The following COLEC12 variants were observed in gnomAD, a reference collection of about 807,000 sequenced individuals.
The protein encoded by COLEC12 is collectin-12.
A neutral mutation model predicts 71.1 loss-of-function variants in COLEC12; 33 were observed. That is an observed-to-expected ratio of 0.46 (90% CI 0.35 to 0.62). COLEC12 has a LOEUF of 0.62. Among genes scored for constraint, COLEC12 ranks in the 20% least tolerant of loss-of-function variants. The probability of loss-of-function intolerance (pLI) is 0.00; values close to 1 mark genes in which losing one functional copy is unlikely to be tolerated. For missense variants in COLEC12, 765 were observed against 916.1 expected (o/e 0.84, Z 2.13); for synonymous variants, 350 against 353.0 (o/e 0.99, Z 0.10).
chr18:435,013 T>C (rs1413375590), intron 2 of COLEC12, among the ~76,000 whole-genome samples: 1 of 152,208 alleles, frequency 6.6e-6, no homozygotes, highest in Non-Finnish European at 1.5e-5. Flanking sequence ...ACAACAACTT[T>C]CCTGACTTTG....
chr18:338,113 T>C (rs16942867), intron 5 of COLEC12, among the ~76,000 whole-genome samples: 32,929 of 152,110 alleles, frequency 0.22, 3,609 homozygotes, highest in Admixed American at 0.28. Context: ...GTTTATTCCA[T>C]CCTCCTCTGT....
At chr18:384,123 T>C (rs1915292929) in intron 2 of COLEC12, among the ~76,000 whole-genome samples, 1 of 152,164 alleles carries the variant, frequency 6.6e-6, no homozygotes, top group African/African-American at 2.4e-5. Context: ...ACCACATCAG[T>C]GGTTCTGAAT....
At chr18:378,133 G>C (rs1915152745) in intron 2 of COLEC12, among the ~76,000 whole-genome samples, 1 of 152,180 alleles carries the variant, frequency 6.6e-6, no homozygotes, top group Admixed American at 6.5e-5. Flanking sequence ...ACTCAGTCCT[G>C]CCTGTGCCCC....
intron 2 of COLEC12, among the ~76,000 whole-genome samples, chr18:412,574 C>T (rs978827688): frequency 6.6e-5 from 10 of 151,934 alleles, no homozygotes; most frequent in African/African-American, 2.2e-4. Context: ...ATAGCCTTTT[C>T]TCTTCCTCTT....
Position 321,699 on chromosome 18 carries a change from G to A in COLEC12, c.2172C>T (p.Asp724=), listed in dbSNP as rs369772117. 3.0e-5 allele frequency: 49 copies of A among 1,614,006 alleles called. No homozygotes were observed. In the African/African-American group the frequency reaches 3.2e-4, roughly 11 times the overall value. The change falls in exon 9 of 10, where the codon GAC becomes GAT. Residue 724 remains aspartate, a synonymous_variant. Coordinates refer to ENST00000400256, the MANE Select transcript of COLEC12 (RefSeq NM_130386.3). Reference sequence around the variant, plus strand: ...CTTTTTCGCAAATGAAGTTATTGACGTCTTCACATTGGAAATCGTTCCACT... The same window carrying A: ...CTTTTTCGCAAATGAAGTTATTGACATCTTCACATTGGAAATCGTTCCACT... The part of the protein sequence containing the change: ...AGQWNDFQCE[D]VNNFICEKDR...
chr18:387,313 T>C (rs1260332989), intron 2 of COLEC12, among the ~76,000 whole-genome samples: 2 of 152,162 alleles, frequency 1.3e-5, no homozygotes, highest in African/African-American at 2.4e-5. Flanking sequence ...GAATTTACCA[T>C]ATGGCAGTGA....
At chr18:450,724 G>A (rs926414796) in intron 2 of COLEC12, among the ~76,000 whole-genome samples, 1 of 152,154 alleles carries the variant, frequency 6.6e-6, no homozygotes, top group Non-Finnish European at 1.5e-5. Context: ...TTTGGAACTG[G>A]GTAATGGGCA....
intron 2 of COLEC12, among the ~76,000 whole-genome samples, chr18:434,501 T>C (rs766256327): frequency 3.9e-5 from 6 of 152,202 alleles, no homozygotes; most frequent in African/African-American, 7.2e-5. Context: ...TCCATTACTA[T>C]ATTGCATAAG....
chr18:435,273 AG>A (rs1358826406), intron 2 of COLEC12, among the ~76,000 whole-genome samples: 3 of 152,220 alleles, frequency 2.0e-5, no homozygotes, highest in Non-Finnish European at 4.4e-5. Flanking sequence ...TAAAGGAAAG[AG>A]GTTTAATTGA....
intron 2 of COLEC12, among the ~76,000 whole-genome samples, chr18:473,173 T>A (rs2621195): frequency 4.6e-5 from 7 of 151,790 alleles, no homozygotes; most frequent in Admixed American, 6.6e-5. Context: ...AAAGACTTGC[T>A]TCCTGGGCAC....
At chr18:348,025 G>T in intron 4 of COLEC12, 40 bp downstream of exon 4, 1 of 1,298,946 alleles carries the variant, frequency 7.7e-7, no homozygotes, top group Non-Finnish European at 1.1e-6. Flanking sequence ...CATTTATGTA[G>T]AGTCAGGGGA....
intron 2 of COLEC12, among the ~76,000 whole-genome samples, chr18:377,256 T>C (rs1915133370): frequency 6.6e-6 from 1 of 152,194 alleles, no homozygotes; most frequent in African/African-American, 2.4e-5. Flanking sequence ...GCTGAAACCA[T>C]TTCAATGCAA....
chr18:351,244 C>G (rs1914514259), intron 3 of COLEC12, among the ~76,000 whole-genome samples: 1 of 151,820 alleles, frequency 6.6e-6, no homozygotes, highest in African/African-American at 2.4e-5. Flanking sequence ...GACAAACACT[C>G]TCTCACACGA....
Position 500,644 on chromosome 18 carries a change from C to G in COLEC12, c.-130G>C, listed in dbSNP as rs865850916. 47 of 667,126 alleles carry G rather than the reference C, an allele frequency of 7.0e-5. 1 individual carries two copies. The Admixed American group carries it at 7.7e-4, about 11-fold the overall frequency. 41.3% of individuals were successfully genotyped at this position (667,126 alleles called of 1,614,324 possible). On this transcript the variant is annotated 5_prime_UTR_variant, in exon 1 of 10. Transcript: ENST00000400256. The surrounding 1 kb of genome is among the most constrained non-coding windows in gnomAD (Gnocchi z 5.3). ...GCCGCGCGCCGGCCGTCTGCGCCCC[C>G]GTCCTCCCTCGCCGCCGCCGGCCCG...
chr18:406,632 C>G lies in COLEC12; in HGVS notation c.59-49110G>C, dbSNP rs115536417. Among the ~76,000 whole-genome samples, 787 of 151,670 alleles carry G rather than the reference C, an allele frequency of 5.2e-3. 2 individuals are homozygous for G. Among genetic ancestry groups the G allele is most frequent in the Non-Finnish European group, 9.0e-3 (609 of 67,916 alleles). On this transcript the variant is annotated intron_variant, in intron 2 of 9. Transcript: ENST00000400256. The stretch of plus-strand genomic sequence containing the variant: ...CTAATAAACATGCTTTCACTTTACT[C>G]TATGGACTCACTCTGAATTCTTTCT...
intron 2 of COLEC12, among the ~76,000 whole-genome samples, chr18:441,098 ATTG>A (rs1567908736): frequency 8.1e-4 from 4 of 4,968 alleles, no homozygotes; most frequent in East Asian, 0.083. Flanking sequence ...AATACAAAAA[ATTG>A]GCCAGGCGTG....
chr18:355,881 C>T (rs1485725664), intron 3 of COLEC12, among the ~76,000 whole-genome samples: 2 of 152,204 alleles, frequency 1.3e-5, no homozygotes, highest in African/African-American at 4.8e-5. Context: ...TAATAGCCTT[C>T]CTTAATCACT....
At position 500,681 on chromosome 18, in the gene COLEC12, C is replaced by T. The variant is rs1917809215; in HGVS notation, c.-167G>A. 3.3e-5 allele frequency: 10 copies of T among 303,174 alleles called. No homozygotes were observed. The South Asian group carries it at 1.2e-3, about 38-fold the overall frequency. 18.8% of individuals were successfully genotyped at this position (303,174 alleles called of 1,614,324 possible). A position where few individuals can be genotyped will look rare whatever the true frequency, so the allele number is the denominator to read the frequency against. ...CCGCCGCCGGCCCGCGCTCCCCGCG[C>T]TCCCGGCTCCGCGCTCTGCTGCCTC... On this transcript the variant is annotated 5_prime_UTR_variant, in exon 1 of 10. Transcript: ENST00000400256. This position sits in a 1 kb window ranked among gnomAD's most constrained non-coding sequence, Gnocchi z 5.3.
intron 1 of COLEC12, among the ~76,000 whole-genome samples, chr18:496,952 T>C (rs1433007313): frequency 1.3e-5 from 2 of 152,188 alleles, no homozygotes; most frequent in Non-Finnish European, 2.9e-5. Context: ...AATGTGAATA[T>C]GTATCCAAAA....
Sources: allele counts gnomAD v4.1 joint callset (sites outside exome capture counted in the v4.1 genomes callset), GRCh38; gene constraint gnomAD v4.1.1; non-coding constraint Gnocchi (gnomAD v3.1); transcripts MANE v1.5; gene names NCBI Gene and HGNC (gene_info 2026-07-23, HGNC 2026-07-21).